THSD7B: variants seen among roughly 807,000 people sequenced by gnomAD.
THSD7B encodes thrombospondin type 1 domain containing 7B.
In THSD7B, 138 loss-of-function variants were observed where a neutral mutation model predicts 213.6. The observed-to-expected ratio is 0.65, with a 90% CI of 0.56 to 0.74. The LOEUF (loss-of-function observed/expected upper bound fraction) is 0.74. Among genes scored for constraint, THSD7B ranks in the 30% least tolerant of loss-of-function variants. THSD7B has a pLI of 0.00. For synonymous variants in THSD7B, 742 were observed against 687.0 expected, an observed-to-expected ratio of 1.08 and a Z score of -1.25; for missense variants, 1,931 against 1,991.5, an observed-to-expected ratio of 0.97 and a Z score of 0.58.
At chr2:137,133,129 T>C (rs1448947959) in intron 5 of THSD7B, among the ~76,000 whole-genome samples, 1 of 152,164 alleles carries the variant, frequency 6.6e-6, no homozygotes, top group Non-Finnish European at 1.5e-5. Flanking sequence ...CTTGGATTAT[T>C]ATCACACTGA....
intron 20 of THSD7B, among the ~76,000 whole-genome samples, chr2:137,636,020 T>G (rs1682826686): frequency 6.6e-6 from 1 of 152,184 alleles, no homozygotes; most frequent in African/African-American, 2.4e-5. Context: ...GTTGCTTTTA[T>G]ACAGTATTTT....
At chr2:137,115,414 T>C in intron 5 of THSD7B, 121 bp downstream of exon 5, 1 of 1,187,874 alleles carries the variant, frequency 8.4e-7, no homozygotes, top group Non-Finnish European at 1.1e-6. Context: ...ATATTTATTT[T>C]GTTGACCATT....
intron 9 of THSD7B, among the ~76,000 whole-genome samples, chr2:137,236,169 G>A (rs903613170): frequency 1.9e-4 from 29 of 152,172 alleles, no homozygotes; most frequent in Middle Eastern, 3.2e-3. Context: ...TTGGGATGGG[G>A]ATAGAGAAAT....
intron 15 of THSD7B, among the ~76,000 whole-genome samples, chr2:137,544,226 A>G (rs1016283972): frequency 1.3e-5 from 2 of 151,814 alleles, no homozygotes; most frequent in African/African-American, 4.8e-5. Context: ...TAAAGAATGC[A>G]TAAACAAAAT....
intron 12 of THSD7B, among the ~76,000 whole-genome samples, chr2:137,357,907 C>T (rs1437451494): frequency 2.0e-5 from 3 of 152,202 alleles, no homozygotes; most frequent in African/African-American, 7.2e-5. Context: ...AAGAGTGAGG[C>T]TTTGCTCTGT....
At chr2:137,558,835 C>T (rs974457587) in intron 15 of THSD7B, among the ~76,000 whole-genome samples, 3 of 152,200 alleles carry the variant, frequency 2.0e-5, no homozygotes, top group African/African-American at 7.2e-5. Context: ...AGCCCCAAAT[C>T]TCCTTAAGCT....
At chr2:137,429,331 G>A (rs971146410) in intron 14 of THSD7B, among the ~76,000 whole-genome samples, 1 of 152,098 alleles carries the variant, frequency 6.6e-6, no homozygotes, top group Non-Finnish European at 1.5e-5. Context: ...GTAAAGCTGT[G>A]AAAAATTAAG....
At chr2:137,433,127 T>C (rs1303385858) in intron 14 of THSD7B, among the ~76,000 whole-genome samples, 1 of 152,148 alleles carries the variant, frequency 6.6e-6, no homozygotes, top group Non-Finnish European at 1.5e-5. Context: ...ATATGTAATT[T>C]CAAATAGCCC....
Position 136,844,931 on chromosome 2 carries a change from T to C in THSD7B, c.-35-37213T>C, listed in dbSNP as rs75384031. Among the ~76,000 whole-genome samples the C allele has an allele frequency of 6.1e-3, 924 of 152,368 alleles. 8 individuals are homozygous for C. The highest frequency in any genetic ancestry group is 0.021 in the African/African-American group (870 of 41,592). On this transcript the variant is annotated intron_variant, in intron 1 of 27. Transcript: ENST00000409968. ...ACACTTTAACAAGCCTGAATTGCAC[T>C]TCACTTTCTTTTTCTGCTCACTTCA... is the stretch of plus-strand genomic sequence containing the variant.
intron 12 of THSD7B, among the ~76,000 whole-genome samples, chr2:137,308,937 T>G (rs1462813461): frequency 5.9e-5 from 9 of 152,156 alleles, no homozygotes; most frequent in Non-Finnish European, 1.2e-4. Flanking sequence ...TGCTGAATGA[T>G]ATGACATTGT....
intron 3 of THSD7B, among the ~76,000 whole-genome samples, chr2:137,068,302 T>C (rs1383991358): frequency 7.2e-5 from 11 of 152,118 alleles, no homozygotes; most frequent in Non-Finnish European, 1.5e-5. Flanking sequence ...GCATTTTTCT[T>C]TGAATTATCA....
At chr2:137,041,606 G>C (rs2104862316) in intron 2 of THSD7B, among the ~76,000 whole-genome samples, 1 of 148,986 alleles carries the variant, frequency 6.7e-6, no homozygotes, top group African/African-American at 2.5e-5. Context: ...AACAGAATTG[G>C]CTTAAATATA....
chr2:137,573,910 T>C (rs1261004514), intron 17 of THSD7B, among the ~76,000 whole-genome samples: 2 of 152,142 alleles, frequency 1.3e-5, no homozygotes, highest in African/African-American at 4.8e-5. Flanking sequence ...CTCAATACTT[T>C]TCTTTGTTTA....
At chr2:137,065,659 T>C (rs1439647853) in intron 3 of THSD7B, among the ~76,000 whole-genome samples, 1 of 147,646 alleles carries the variant, frequency 6.8e-6, no homozygotes, top group African/African-American at 2.6e-5. Flanking sequence ...TGGAACATTT[T>C]ATGTTGTTTG....
chr2:136,853,750 A>G (rs1307305055), intron 1 of THSD7B, among the ~76,000 whole-genome samples: 1 of 152,192 alleles, frequency 6.6e-6, no homozygotes, highest in Admixed American at 6.5e-5. Flanking sequence ...TAGTTCTATC[A>G]TTCTTTTTAC....
intron 1 of THSD7B, among the ~76,000 whole-genome samples, chr2:136,809,923 A>G (rs1246210512): frequency 3.3e-5 from 5 of 152,280 alleles, no homozygotes; most frequent in South Asian, 4.2e-4. Context: ...TGGGCTGGCA[A>G]TCTAGCCACC....
chr2:137,287,799 A>G (rs76185038), intron 12 of THSD7B, among the ~76,000 whole-genome samples: 4,097 of 152,096 alleles, frequency 0.027, 213 homozygotes, highest in African/African-American at 0.093. Context: ...TTTTTTTTAA[A>G]TTGGTGAATG....
intron 5 of THSD7B, among the ~76,000 whole-genome samples, chr2:137,150,663 C>T (rs1679799473): frequency 6.6e-6 from 1 of 152,120 alleles, no homozygotes; most frequent in Non-Finnish European, 1.5e-5. Flanking sequence ...GGTATTTCTT[C>T]ACAGGAACAT....
Position 137,195,234 on chromosome 2 carries a change from GTA to G in THSD7B, c.1723+24313_1723+24314del, listed in dbSNP as rs148274457. Among the ~76,000 whole-genome samples the G allele has an allele frequency of 7.4e-3, 1,072 of 145,508 alleles. 12 individuals are homozygous for G. Among genetic ancestry groups the G allele is most frequent in the East Asian group, 0.03 (154 of 5,054 alleles). On this transcript the variant is annotated intron_variant, in intron 7 of 27. Coordinates refer to ENST00000409968, the MANE Select transcript of THSD7B (RefSeq NM_001316349.2). ...GCTATTTGTATGTATATGTATGTGT[GTA>G]TATATATATATATATACACACACAC...
Sources: gnomAD v4.1 joint callset for allele counts (sites outside exome capture counted in the v4.1 genomes callset) on GRCh38, gnomAD v4.1.1 for gene constraint, MANE v1.5 for transcripts, NCBI Gene and HGNC (gene_info 2026-07-23, HGNC 2026-07-21) for gene names.